The following KIF16B variants were observed in gnomAD, a reference collection of about 807,000 sequenced individuals.
KIF16B encodes kinesin family member 16B, also known as kinesin-like protein KIF16B.
In KIF16B, 98 loss-of-function variants were observed where a neutral mutation model predicts 156.3. The observed-to-expected ratio is 0.63, with a 90% CI of 0.53 to 0.74. The LOEUF (loss-of-function observed/expected upper bound fraction) is 0.74, where lower values mean the gene tolerates loss of function less well. KIF16B is among the 30% of genes least tolerant of loss of function. KIF16B has a pLI of 0.00. For synonymous variants in KIF16B, 564 were observed against 583.7 expected (o/e 0.97, Z 0.49); for missense variants, 1,421 against 1,606.5 (o/e 0.88, Z 1.97).
chr20:16,364,080 T>C (rs1481492490), intron 22 of KIF16B, among the ~76,000 whole-genome samples: 5 of 152,200 alleles, frequency 3.3e-5, no homozygotes, highest in African/African-American at 1.2e-4. Context: ...GGAAAGAGAA[T>C]GTAAGCAAAA....
At chr20:16,323,650 C>A (rs1173046087) in intron 24 of KIF16B, among the ~76,000 whole-genome samples, 1 of 151,884 alleles carries the variant, frequency 6.6e-6, no homozygotes, top group Non-Finnish European at 1.5e-5. Flanking sequence ...TAAGCCCATA[C>A]CACACAATAT....
At chr20:16,397,345 G>C (rs184632253) in intron 17 of KIF16B, among the ~76,000 whole-genome samples, 2 of 152,174 alleles carry the variant, frequency 1.3e-5, no homozygotes, top group Non-Finnish European at 2.9e-5. Context: ...GCATGTGTGC[G>C]TACAAATCAT....
chr20:16,470,566 T>C (rs1480535319), intron 12 of KIF16B, among the ~76,000 whole-genome samples: 1 of 152,012 alleles, frequency 6.6e-6, no homozygotes, highest in Non-Finnish European at 1.5e-5. Flanking sequence ...CACTGCAGCC[T>C]CCAACCCCCC....
At chr20:16,277,107 C>A (rs184016130) in intron 25 of KIF16B, among the ~76,000 whole-genome samples, 1 of 152,118 alleles carries the variant, frequency 6.6e-6, no homozygotes, top group Non-Finnish European at 1.5e-5. Flanking sequence ...TTCATATGAG[C>A]GGAATCATTT....
At chr20:16,424,333 C>A (rs376626406) in intron 15 of KIF16B, among the ~76,000 whole-genome samples, 1 of 152,060 alleles carries the variant, frequency 6.6e-6, no homozygotes, top group African/African-American at 2.4e-5. Context: ...GATGTTAGAG[C>A]GTCTTTGACG....
chr20:16,519,766 C>G (rs766271494), intron 3 of KIF16B, among the ~76,000 whole-genome samples: 1 of 152,206 alleles, frequency 6.6e-6, no homozygotes, highest in Non-Finnish European at 1.5e-5. Context: ...CAGCTCCCAG[C>G]AAGATCAATG....
intron 23 of KIF16B, among the ~76,000 whole-genome samples, chr20:16,349,072 T>A (rs2064286948): frequency 6.6e-6 from 1 of 152,212 alleles, no homozygotes; most frequent in South Asian, 2.1e-4. Context: ...TGGCTGGGTG[T>A]GCCTGTGCCT....
At chr20:16,512,480 C>A (rs371950642) in intron 5 of KIF16B, among the ~76,000 whole-genome samples, 1 of 152,156 alleles carries the variant, frequency 6.6e-6, no homozygotes, top group Non-Finnish European at 1.5e-5. Context: ...CCAACCAACA[C>A]AAAGAATAAT....
intron 1 of KIF16B, among the ~76,000 whole-genome samples, chr20:16,535,715 G>T (rs963965666): frequency 6.6e-6 from 1 of 150,676 alleles, no homozygotes; most frequent in Non-Finnish European, 1.5e-5. Context: ...AGCAGACACA[G>T]AAATGACCAA....
intron 17 of KIF16B, 76 bp downstream of exon 17, chr20:16,404,737 T>C: frequency 8.8e-7 from 1 of 1,139,334 alleles, no homozygotes; most frequent in Non-Finnish European, 1.3e-6. Context: ...TATTTTTACC[T>C]TGTGACTATA....
chr20:16,371,589 C>CACAA (rs2064820845), intron 21 of KIF16B, 76 bp downstream of exon 21: 2 of 623,214 alleles, frequency 3.2e-6, no homozygotes, highest in South Asian at 2.1e-5. Context: ...GACTCAGTCT[C>CACAA]AAAAAAAAAA....
intron 25 of KIF16B, among the ~76,000 whole-genome samples, chr20:16,285,770 A>G (rs1271606313): frequency 6.6e-6 from 1 of 152,180 alleles, no homozygotes; most frequent in Middle Eastern, 3.2e-3. Context: ...TTGAGCCATG[A>G]TCATGCCACT....
intron 12 of KIF16B, among the ~76,000 whole-genome samples, chr20:16,462,483 G>A (rs1466799715): frequency 6.6e-5 from 10 of 151,974 alleles, no homozygotes; most frequent in Non-Finnish European, 1.5e-5. Flanking sequence ...CAAGACCTAT[G>A]ATAGGACTTC....
At position 16,273,220 on chromosome 20, in the gene KIF16B, A is replaced by C. The variant is rs762598275; in HGVS notation, c.*33T>G. 6.3e-7 allele frequency: 1 copy of C among 1,599,134 alleles called. No individual in the cohort carries two copies. The highest frequency in any genetic ancestry group is 1.7e-5 in the Admixed American group (1 of 59,922). ...TCGGAGCCCGCTTCGACGAGAAGGC[A>C]CTGCTGTGGTGGTTCCTCCATCACC... On this transcript the variant is annotated 3_prime_UTR_variant, in exon 26 of 26. Transcript: ENST00000354981.
intron 12 of KIF16B, among the ~76,000 whole-genome samples, chr20:16,437,933 G>A (rs1439229934): frequency 6.6e-6 from 1 of 151,118 alleles, no homozygotes; most frequent in East Asian, 1.9e-4. Flanking sequence ...AGGAGTTCAA[G>A]GCTAGCCTGG....
chr20:16,411,299 G>A (rs1465421398), intron 15 of KIF16B, among the ~76,000 whole-genome samples: 1 of 151,986 alleles, frequency 6.6e-6, no homozygotes, highest in Non-Finnish European at 1.5e-5. Context: ...TTTATGCTGT[G>A]TTTTTCTATT....
Position 16,570,807 on chromosome 20 carries a change from C to T in KIF16B, c.47+2422G>A, listed in dbSNP as rs114198121. 7.1e-3 allele frequency among the ~76,000 whole-genome samples: 1,075 copies of T among 152,272 alleles called. 13 individuals are homozygous for T. The highest frequency in any genetic ancestry group is 0.024 in the African/African-American group (989 of 41,536). On this transcript the variant is annotated intron_variant, in intron 1 of 25. Transcript: ENST00000354981. ...CATTTGCTGTGCTGGTTCTCCTTTA[C>T]GGACTGCAAGCCAATCTTCTCCCTG...
chr20:16,379,703 C>T lies in KIF16B; in HGVS notation c.2299G>A (p.Glu767Lys). Residue 767 changes from glutamate (E) to lysine (K), a missense_variant, in exon 19 of 26, where the codon GAG becomes AAG. Coordinates refer to ENST00000354981, the MANE Select transcript of KIF16B (RefSeq NM_024704.5). ...ATCTCCTGCTTCTCTCGGAGCTGCT[C>T]TTCCAGATGGGCCACGAGCATGACC... ...EQVMLVAHLE[E>K]QLREKQEMIQ... The T allele has an allele frequency of 2.5e-6, 4 of 1,614,174 alleles. No individual in the cohort carries two copies. Among genetic ancestry groups the T allele is most frequent in the South Asian group, 1.1e-5 (1 of 91,080 alleles).
chr20:16,379,580 G>A lies in KIF16B; in HGVS notation c.2422C>T (p.Arg808Cys). Residue 808 changes from arginine to cysteine, a missense_variant, in exon 19 of 26, where the codon CGT becomes TGT. Transcript: ENST00000354981. ...RESLLRVKEA[R>C]AGGDEDGEEL... Reference sequence around the variant, plus strand: ...TCGCCATCTTCATCCCCTCCGGCACGAGCCTCCTTCACCCGCAGGAGGGAT... The same window carrying A: ...TCGCCATCTTCATCCCCTCCGGCACAAGCCTCCTTCACCCGCAGGAGGGAT... 5.6e-6 allele frequency: 9 copies of A among 1,614,044 alleles called. No individual in the cohort carries two copies. The highest frequency in any genetic ancestry group is 1.1e-5 in the South Asian group (1 of 91,068).
Sources: gnomAD v4.1 joint callset for allele counts (sites outside exome capture counted in the v4.1 genomes callset) on GRCh38, gnomAD v4.1.1 for gene constraint, MANE v1.5 for transcripts, NCBI Gene and HGNC (gene_info 2026-07-23, HGNC 2026-07-21) for gene names.